The following LIPI variants were observed in gnomAD, a reference collection of about 807,000 sequenced individuals.
LIPI encodes the protein lipase I, also known as lipase member I.
A neutral mutation model predicts 50.6 loss-of-function variants in LIPI; 59 were observed. That is an observed-to-expected ratio of 1.16 (90% CI 0.94 to 1.45). The LOEUF (loss-of-function observed/expected upper bound fraction) is 1.45. Among genes scored for constraint, LIPI ranks in the 40% most tolerant of loss-of-function variants. The pLI is 0.00. For missense variants in LIPI, 586 were observed against 536.3 expected (o/e 1.09, Z -0.92); for synonymous variants, 203 against 178.2 (o/e 1.14, Z -1.11).
intron 7 of LIPI, among the ~76,000 whole-genome samples, chr21:14,161,348 T>C (rs2018454535): frequency 6.9e-6 from 1 of 145,066 alleles, no homozygotes; most frequent in Non-Finnish European, 1.5e-5. Flanking sequence ...TTATATATAA[T>C]ATATAGTAAT....
At chr21:14,141,785 C>G (rs1447579649) in intron 9 of LIPI, among the ~76,000 whole-genome samples, 1 of 152,124 alleles carries the variant, frequency 6.6e-6, no homozygotes, top group African/African-American at 2.4e-5. Context: ...TCATCTTGAG[C>G]TTATGTGTTG....
intron 4 of LIPI, among the ~76,000 whole-genome samples, chr21:14,172,035 C>A (rs890269339): frequency 6.6e-6 from 1 of 152,110 alleles, no homozygotes; most frequent in Non-Finnish European, 1.5e-5. Context: ...AAACAAACAA[C>A]CCCATCAAAA....
At chr21:14,135,406 G>A (rs2017454607) in intron 9 of LIPI, among the ~76,000 whole-genome samples, 1 of 152,150 alleles carries the variant, frequency 6.6e-6, no homozygotes, top group Non-Finnish European at 1.5e-5. Flanking sequence ...AGGAATTGAG[G>A]AGATAGAAAA....
chr21:14,184,648 C>T (rs1042532990), intron 3 of LIPI, among the ~76,000 whole-genome samples: 2 of 152,112 alleles, frequency 1.3e-5, no homozygotes, highest in African/African-American at 4.8e-5. Flanking sequence ...ATAGAACCTC[C>T]ATGTTTGGTG....
chr21:14,208,283 G>A (rs1434180533), intron 1 of LIPI, among the ~76,000 whole-genome samples: 3 of 152,178 alleles, frequency 2.0e-5, no homozygotes, highest in Non-Finnish European at 2.9e-5. Flanking sequence ...TGAGTGCTTA[G>A]TAGAATTGCT....
intron 7 of LIPI, among the ~76,000 whole-genome samples, chr21:14,157,459 G>A (rs1185153403): frequency 2.0e-5 from 3 of 151,856 alleles, no homozygotes; most frequent in Admixed American, 6.6e-5. Context: ...AAATATGGAG[G>A]AGTCTCTTTT....
Position 14,114,686 on chromosome 21 carries a change from G to T in LIPI, c.1296-5606C>A, listed in dbSNP as rs147196172. On this transcript the variant is annotated intron_variant, in intron 9 of 9. Coordinates refer to ENST00000681601, the MANE Select transcript of LIPI (RefSeq NM_001302998.2). ...GGTTGGCGGTCTTTGGTCAGGACAT[G>T]CCTGAGTCATGCAGATTCCCCTCAG... is the stretch of plus-strand genomic sequence containing the variant. Among the ~76,000 whole-genome samples the T allele has an allele frequency of 2.6e-3, 396 of 152,278 alleles. 4 individuals carry two copies. The highest frequency in any genetic ancestry group is 9.1e-3 in the African/African-American group (376 of 41,544).
chr21:14,188,991 T>C, intron 2 of LIPI, 43 bp downstream of exon 2: 1 of 1,454,728 alleles, frequency 6.9e-7, no homozygotes, highest in Non-Finnish European at 9.5e-7. Context: ...GCACGTATAA[T>C]ATATTGTATA....
At chr21:14,191,261 T>C (rs370286759) in intron 1 of LIPI, among the ~76,000 whole-genome samples, 136 of 149,650 alleles carry the variant, frequency 9.1e-4, no homozygotes, top group East Asian at 7.9e-3. Flanking sequence ...CCTGTAGTCC[T>C]AGCTACTTGG....
intron 4 of LIPI, among the ~76,000 whole-genome samples, chr21:14,181,258 C>G (rs2019259205): frequency 6.6e-6 from 1 of 152,024 alleles, no homozygotes. Context: ...AATCCAATAC[C>G]CTGTTAGAGA....
At chr21:14,184,621 C>T (rs1366521279) in intron 3 of LIPI, among the ~76,000 whole-genome samples, 1 of 152,120 alleles carries the variant, frequency 6.6e-6, no homozygotes, top group African/African-American at 2.4e-5. Context: ...ATCTATCTTC[C>T]TATAAATCAT....
intron 1 of LIPI, among the ~76,000 whole-genome samples, chr21:14,207,228 A>T (rs1257674576): frequency 6.6e-6 from 1 of 152,200 alleles, no homozygotes; most frequent in Non-Finnish European, 1.5e-5. Context: ...AGGAGAAATA[A>T]GTTCTAGTGT....
chr21:14,116,048 G>A (rs1171325871), intron 9 of LIPI, among the ~76,000 whole-genome samples: 1 of 152,036 alleles, frequency 6.6e-6, no homozygotes, highest in African/African-American at 2.4e-5. Context: ...ACCTACCTGG[G>A]ACACAAGAGA....
In LIPI at chr21:14,143,853, G is replaced by A. The variant is rs544777107; in HGVS notation, c.1295+770C>T. 46 of 154,520 alleles carry A rather than the reference G, an allele frequency of 3.0e-4. 1 individual carries two copies. The South Asian group carries it at 5.3e-3, about 18-fold the overall frequency. 9.6% of individuals were successfully genotyped at this position (154,520 alleles called of 1,614,324 possible). A position where few individuals can be genotyped will look rare whatever the true frequency, so the allele number is the denominator to read the frequency against. On this transcript the variant is annotated intron_variant, in intron 9 of 9. Coordinates refer to ENST00000681601, the MANE Select transcript of LIPI (RefSeq NM_001302998.2). Reference sequence around the variant, plus strand: ...TGGGAAAACCTCTGATTGTGAGGACGTAGAACTGAGAAGAGCATATGAAAT... The same window carrying A: ...TGGGAAAACCTCTGATTGTGAGGACATAGAACTGAGAAGAGCATATGAAAT...
chr21:14,201,214 G>A (rs1182123173), intron 1 of LIPI, among the ~76,000 whole-genome samples: 1 of 152,052 alleles, frequency 6.6e-6, no homozygotes, highest in Non-Finnish European at 1.5e-5. Flanking sequence ...AAGATTTCAC[G>A]ACAAAGACAC....
chr21:14,163,447 C>A lies in LIPI; in HGVS notation c.978G>T (p.Leu326Phe). 6.4e-7 allele frequency: 1 copy of A among 1,551,672 alleles called. No individual in the cohort carries two copies. The highest frequency in any genetic ancestry group is 8.9e-7 in the Non-Finnish European group (1 of 1,123,552). ...EGRPLRTTVF[L>F]DTSGTYPFCT... ...AGAATGGATATGTACCACTTGTATC[C>A]AAAAACACAGTGGTCCTAAGAGGTC... is the stretch of plus-strand genomic sequence containing the variant. The change falls in exon 7 of 10, where the codon TTG (leucine) becomes TTT (phenylalanine). Residue 326 changes from leucine to phenylalanine, a missense_variant. By Grantham distance (22) the Leu-to-Phe change is conservative. Coordinates refer to ENST00000681601, the MANE Select transcript of LIPI (RefSeq NM_001302998.2).
At chr21:14,162,917 T>G (rs1206824925) in intron 7 of LIPI, among the ~76,000 whole-genome samples, 1 of 151,826 alleles carries the variant, frequency 6.6e-6, no homozygotes, top group Non-Finnish European at 1.5e-5. Context: ...TTTTGCTTTC[T>G]TTAATACTTC....
chr21:14,109,425 C>T (rs2016317189), intron 9 of LIPI, among the ~76,000 whole-genome samples: 1 of 152,096 alleles, frequency 6.6e-6, no homozygotes, highest in Admixed American at 6.6e-5. Flanking sequence ...TCATGATGGT[C>T]ACCAGAAGAG....
chr21:14,111,194 AT>A (rs1352522774), intron 9 of LIPI, among the ~76,000 whole-genome samples: 1 of 151,878 alleles, frequency 6.6e-6, no homozygotes, highest in African/African-American at 2.4e-5. Flanking sequence ...TCTAATTTAC[AT>A]TCTTATCAGT....
Sources: gnomAD v4.1 joint callset for allele counts (sites outside exome capture counted in the v4.1 genomes callset) on GRCh38, gnomAD v4.1.1 for gene constraint, MANE v1.5 for transcripts, NCBI Gene and HGNC (gene_info 2026-07-23, HGNC 2026-07-21) for gene names.